CYP4X1: variants seen among roughly 807,000 people sequenced by gnomAD.
CYP4X1 encodes cytochrome P450 family 4 subfamily X member 1, also known as cytochrome P450 4X1.
In CYP4X1, 44 loss-of-function variants were observed where a neutral mutation model predicts 57.9. The observed-to-expected ratio is 0.76, with a 90% CI of 0.60 to 0.98. The LOEUF is 0.98. CYP4X1 is among the 50% of genes least tolerant of loss of function. The pLI, the probability that CYP4X1 is intolerant of heterozygous loss-of-function variation, is 0.00. For missense variants in CYP4X1, 532 were observed against 623.9 expected (o/e 0.85, Z 1.57); for synonymous variants, 227 against 228.6 (o/e 0.99, Z 0.06).
the CYP4X1 span, among the ~76,000 whole-genome samples, chr1:46,978,566 T>G: frequency 5.9e-5 from 9 of 152,054 alleles, no homozygotes; most frequent in African/African-American, 2.2e-4. Context: ...GATGTATCAA[T>G]GAGACAGAAG....
intron 9 of CYP4X1, among the ~76,000 whole-genome samples, 179 bp downstream of exon 9, chr1:47,046,779 C>G (rs183819145): frequency 1.3e-5 from 2 of 152,316 alleles, no homozygotes; most frequent in East Asian, 3.9e-4. Context: ...ACATGAATTT[C>G]AATGACTTTC....
chr1:47,054,647 T>A (rs1280651546), downstream of CYP4X1, among the ~76,000 whole-genome samples: 4 of 152,164 alleles, frequency 2.6e-5, no homozygotes, highest in Non-Finnish European at 5.9e-5. Context: ...CCCTTGTAAG[T>A]TGGATTCCTA....
chr1:46,969,001 T>C, the CYP4X1 span, among the ~76,000 whole-genome samples: 2 of 152,212 alleles, frequency 1.3e-5, no homozygotes, highest in South Asian at 2.1e-4. Flanking sequence ...GTTTCGCTGT[T>C]GGTCCCCTCC....
intron 8 of CYP4X1, among the ~76,000 whole-genome samples, chr1:47,042,707 T>C (rs1005994573): frequency 6.6e-6 from 1 of 152,208 alleles, no homozygotes; most frequent in Non-Finnish European, 1.5e-5. Context: ...GAACATATAA[T>C]GTTTGGTTCT....
Position 47,048,597 on chromosome 1 carries a change from C to T in CYP4X1, c.1240C>T (p.His414Tyr), listed in dbSNP as rs773856115. 6.2e-7 allele frequency: 1 copy of T among 1,614,052 alleles called. No homozygotes were observed. ...CGTGGTTCTTAGTATTTGGGGTCTT[C>T]ACCACAACCCTGCTGTCTGGAAAAA... The part of the protein sequence containing the change: ...ITVVLSIWGL[H>Y]HNPAVWKNPK... Residue 414 changes from histidine to tyrosine, a missense_variant, in exon 10 of 12, where the codon CAC becomes TAC. His to Tyr is a moderately conservative substitution (Grantham distance 83). Transcript: ENST00000371901.
Position 47,023,938 on chromosome 1 carries a change from C to G in CYP4X1, c.121C>G (p.Arg41Gly). The part of the protein sequence containing the change: ...KLYLRRQRLL[R>G]DLRPFPAPPT... ...GTACCTGCGGAGGCAGCGGCTGCTG[C>G]GGGACCTGCGCCCCTTCCCAGCGCC... is the stretch of plus-strand genomic sequence containing the variant. Residue 41 changes from arginine (R) to glycine (G), a missense_variant, in exon 1 of 12, where the codon CGG (arginine) becomes GGG (glycine). Physicochemically the swap from Arg to Gly is moderately radical, Grantham distance 125 (BLOSUM62 -2). Transcript: ENST00000371901. 1 of 1,613,410 alleles carries G rather than the reference C, an allele frequency of 6.2e-7. No homozygotes were observed. Among genetic ancestry groups the G allele is most frequent in the African/African-American group, 1.3e-5 (1 of 75,042 alleles).
chr1:47,017,820 G>C, the CYP4X1 span, among the ~76,000 whole-genome samples: 1 of 152,080 alleles, frequency 6.6e-6, no homozygotes, highest in African/African-American at 2.4e-5. Flanking sequence ...TTTTAGATAC[G>C]TTGATTGATG....
At chr1:46,991,484 C>T in the CYP4X1 span, among the ~76,000 whole-genome samples, 1 of 152,220 alleles carries the variant, frequency 6.6e-6, no homozygotes, top group Non-Finnish European at 1.5e-5. Flanking sequence ...GGCAGAAGTC[C>T]TATCCCAGAG....
chr1:47,051,235 GTGC>G (rs1644358112), downstream of CYP4X1, among the ~76,000 whole-genome samples: 1 of 152,078 alleles, frequency 6.6e-6, no homozygotes, highest in South Asian at 2.1e-4. Flanking sequence ...GAAACAACAG[GTGC>G]TGGAGAGGAT....
chr1:47,023,632 G>T, upstream of CYP4X1: 2 of 1,326,922 alleles, frequency 1.5e-6, no homozygotes, highest in Non-Finnish European at 1.9e-6. Flanking sequence ...CCGCACGCGC[G>T]CCTGCCTCCT....
At chr1:47,049,764 A>G (rs1644341595) in intron 11 of CYP4X1, among the ~76,000 whole-genome samples, 1 of 152,194 alleles carries the variant, frequency 6.6e-6, no homozygotes, top group African/African-American at 2.4e-5. Flanking sequence ...AGCAAGAGAA[A>G]TAATTTCATG....
intron 11 of CYP4X1, 124 bp downstream of exon 11, chr1:47,049,628 C>T: frequency 2.3e-6 from 2 of 863,402 alleles, no homozygotes; most frequent in Non-Finnish European, 1.9e-6. Context: ...CCTATTTGAG[C>T]CCCAAAGGAT....
At chr1:47,044,065 G>T (rs138151734) in intron 8 of CYP4X1, among the ~76,000 whole-genome samples, 256 of 152,258 alleles carry the variant, frequency 1.7e-3, no homozygotes, top group African/African-American at 5.8e-3. Context: ...TTTGATTAGA[G>T]AATTTAATTC....
the CYP4X1 span, among the ~76,000 whole-genome samples, chr1:46,993,573 T>A: frequency 6.6e-6 from 1 of 152,350 alleles, no homozygotes; most frequent in East Asian, 1.9e-4. Context: ...TTCCTAGTTC[T>A]CCACATCCTT....
chr1:46,977,108 C>T, the CYP4X1 span, among the ~76,000 whole-genome samples: 52 of 152,104 alleles, frequency 3.4e-4, no homozygotes, highest in Non-Finnish European at 6.5e-4. Context: ...TGGAACAAAG[C>T]TGGACAGAGA....
At chr1:47,052,805 A>T (rs201223163), downstream of CYP4X1, among the ~76,000 whole-genome samples, 1 of 133,526 alleles carries the variant, frequency 7.5e-6, no homozygotes, top group African/African-American at 2.8e-5. Context: ...AAATAAATAA[A>T]AAATAAAATA....
intron 8 of CYP4X1, among the ~76,000 whole-genome samples, chr1:47,040,664 A>G (rs777726705): frequency 2.0e-5 from 3 of 152,132 alleles, no homozygotes; most frequent in Non-Finnish European, 2.9e-5. Flanking sequence ...AATTGTGCAT[A>G]TACATGTTAT....
chr1:47,054,462 A>G (rs1380525857), downstream of CYP4X1, among the ~76,000 whole-genome samples: 1 of 151,874 alleles, frequency 6.6e-6, no homozygotes, highest in Admixed American at 6.6e-5. Flanking sequence ...GAAGAAAGTC[A>G]TTGGTAGCTT....
intron 8 of CYP4X1, 36 bp downstream of exon 8, chr1:47,039,568 TC>T (rs1557607963): frequency 1.3e-6 from 2 of 1,540,224 alleles, no homozygotes; most frequent in Non-Finnish European, 1.7e-6. Flanking sequence ...CTGCTAGTTT[TC>T]CCCCTGAGAT....
Sources: allele counts gnomAD v4.1 joint callset (sites outside exome capture counted in the v4.1 genomes callset), GRCh38; gene constraint gnomAD v4.1.1; transcripts MANE v1.5; gene names NCBI Gene and HGNC (gene_info 2026-07-23, HGNC 2026-07-21).